The following NAA60 variants were observed in gnomAD, a reference collection of about 807,000 sequenced individuals.
NAA60 encodes the protein N-alpha-acetyltransferase 60.
Under a neutral mutation model 26.1 loss-of-function variants are expected in NAA60, and 8 were observed. The ratio of observed to expected loss-of-function variants is 0.31; its 90% CI spans 0.18 to 0.55. NAA60 has a LOEUF of 0.55. NAA60 is among the 20% of genes least tolerant of loss of function. NAA60 has a pLI of 0.93. For missense variants in NAA60, 290 were observed against 311.3 expected, an observed-to-expected ratio of 0.93 and a Z score of 0.51; for synonymous variants, 131 against 122.5, an observed-to-expected ratio of 1.07 and a Z score of -0.46.
rs980676154 is a variant in NAA60 at position 3,485,674 on chromosome 16, C to T, written c.*414C>T. 9.6e-5 allele frequency: 44 copies of T among 456,556 alleles called. 1 individual carries two copies. Among genetic ancestry groups the T allele is most frequent in the African/African-American group, 5.2e-4 (26 of 50,086 alleles). The allele number at this position is 456,556 out of a possible 1,614,324, so 28.3% of individuals were successfully genotyped here. ...GGGACTTTCTCCTGCAAGGGAGGAA[C>T]GCAAGTATTATGGACACACTTGACC... On this transcript the variant is annotated 3_prime_UTR_variant, in exon 8 of 8. Transcript: ENST00000407558.
chr16:3,466,451 C>A (rs1028924610), intron 2 of NAA60, among the ~76,000 whole-genome samples: 3 of 152,228 alleles, frequency 2.0e-5, no homozygotes, highest in Non-Finnish European at 4.4e-5. Context: ...ACAAGCCATG[C>A]GCAGTGTTAG....
intron 3 of NAA60, 64 bp downstream of exon 3, chr16:3,476,401 CG>C: frequency 7.7e-7 from 1 of 1,305,646 alleles, no homozygotes. Context: ...AGCTGGGCGG[CG>C]GGGGTGGGGG....
intron 2 of NAA60, among the ~76,000 whole-genome samples, chr16:3,459,153 A>G (rs4141287): frequency 0.06 from 9,138 of 152,310 alleles, 363 homozygotes; most frequent in Middle Eastern, 0.085. Context: ...GAGTGCCAGA[A>G]CTGGAGAGAA....
intron 4 of NAA60, among the ~76,000 whole-genome samples, chr16:3,481,860 C>T (rs1040548187): frequency 6.6e-6 from 1 of 152,158 alleles, no homozygotes. Flanking sequence ...CACGTGGGAG[C>T]AGAAAGGCCT....
Position 3,476,204 on chromosome 16 carries a change from CCCCA to C in NAA60, c.-6-14_-6-11del. On this transcript the variant is annotated splice_polypyrimidine_tract_variant and intron_variant, in intron 2 of 7. Transcript: ENST00000407558. ...ACCAGGCTGTGAGGTGACGCGTCCCCCCCACCCTTCCCCACAGGTGTGAATGACA... is the reference window on the plus strand; with the variant it reads ...ACCAGGCTGTGAGGTGACGCGTCCCCCCCTTCCCCACAGGTGTGAATGACA... The C allele has an allele frequency of 6.4e-7, 1 of 1,562,718 alleles. No homozygotes were observed. The highest frequency in any genetic ancestry group is 8.8e-7 in the Non-Finnish European group (1 of 1,139,408).
chr16:3,445,565 G>A (rs985939600), intron 1 of NAA60, among the ~76,000 whole-genome samples: 8 of 151,704 alleles, frequency 5.3e-5, no homozygotes, highest in Middle Eastern at 3.2e-3. Context: ...GTGAGCCACC[G>A]CGCCCCGCCT....
chr16:3,456,967 T>G (rs1439311370), intron 2 of NAA60: 1 of 152,152 alleles, frequency 6.6e-6, no homozygotes, highest in African/African-American at 2.4e-5. Context: ...TTTTTTTGTA[T>G]TTTTAGTAGA....
intron 2 of NAA60, among the ~76,000 whole-genome samples, chr16:3,459,139 A>G (rs1032709364): frequency 1.3e-5 from 2 of 152,230 alleles, no homozygotes; most frequent in African/African-American, 4.8e-5. Flanking sequence ...TGGAGTGGTA[A>G]TCAGAGTGCC....
rs528751999 is a variant in NAA60, at chr16:3,476,401, C to T, written c.110+64C>T. 2.0e-4 allele frequency: 256 copies of T among 1,305,652 alleles called. 1 individual carries two copies. The African/African-American group carries it at 3.2e-3, about 16-fold the overall frequency. 80.9% of individuals were successfully genotyped at this position (1,305,652 alleles called of 1,614,324 possible). On this transcript the variant is annotated intron_variant, in intron 3 of 7. Transcript: ENST00000407558. ...AGCCTCAGGTGCAGAAGCTGGGCGG[C>T]GGGGGTGGGGGCCTCTTGGGCCCTT... is the stretch of plus-strand genomic sequence containing the variant.
intron 2 of NAA60, among the ~76,000 whole-genome samples, chr16:3,474,828 A>G (rs1392181724): frequency 2.0e-5 from 3 of 152,104 alleles, no homozygotes. Flanking sequence ...CATTATTTCT[A>G]CTTTTATTAG....
At chr16:3,457,836 G>A in intron 2 of NAA60, 1 of 378,952 alleles carries the variant, frequency 2.6e-6, no homozygotes, top group South Asian at 1.0e-4. Flanking sequence ...CCGGAGCGAG[G>A]GACAGGGAAG....
At chr16:3,456,426 C>T (rs2034998211) in intron 2 of NAA60, among the ~76,000 whole-genome samples, 1 of 151,700 alleles carries the variant, frequency 6.6e-6, no homozygotes, top group South Asian at 2.1e-4. Flanking sequence ...AGAGGAAGTA[C>T]AGAGCGAGCA....
chr16:3,468,746 G>C (rs1031201380), intron 2 of NAA60, among the ~76,000 whole-genome samples: 2 of 152,214 alleles, frequency 1.3e-5, no homozygotes, highest in Non-Finnish European at 2.9e-5. Context: ...CTCACCCCAG[G>C]CTCGAGCCTT....
At chr16:3,448,257 G>A (rs1348786575) in intron 1 of NAA60, among the ~76,000 whole-genome samples, 2 of 130,944 alleles carry the variant, frequency 1.5e-5, no homozygotes, top group African/African-American at 5.9e-5. Flanking sequence ...TTGGATGACA[G>A]AGCAAGACCT....
At chr16:3,484,640 G>T in intron 6 of NAA60, 59 bp from the exon 7 acceptor site, 1 of 1,546,764 alleles carries the variant, frequency 6.5e-7, no homozygotes, top group South Asian at 1.2e-5. Flanking sequence ...GGCCCCTGAT[G>T]ACTGTGCCCT....
Position 3,446,391 on chromosome 16 carries a change from C to T in NAA60, c.-76-2080C>T, listed in dbSNP as rs140275538. ...CTAAAAATACAAAAAATTAGCCAGG[C>T]GTGGTAGCGGGCACCTGTAGTCCCA... is the stretch of plus-strand genomic sequence containing the variant. On this transcript the variant is annotated intron_variant, in intron 1 of 7. Transcript: ENST00000407558. Among the ~76,000 whole-genome samples the T allele has an allele frequency of 1.6e-4, 24 of 151,658 alleles. 1 individual carries two copies. The highest frequency in any genetic ancestry group is 5.1e-4 in the African/African-American group (21 of 41,376).
Position 3,443,701 on chromosome 16 carries a change from C to T in NAA60, c.-213C>T, listed in dbSNP as rs369314332. On this transcript the variant is annotated 5_prime_UTR_variant, in exon 1 of 8. Coordinates refer to ENST00000407558, the MANE Select transcript of NAA60 (RefSeq NM_001083601.3). Reference sequence around the variant, plus strand: ...ATTTCCGCTTCCGCTGGCGGGGTCTCCTCCGTGAGCTCCGGGCCTGTTTGC... The same window carrying T: ...ATTTCCGCTTCCGCTGGCGGGGTCTTCTCCGTGAGCTCCGGGCCTGTTTGC... The T allele has an allele frequency of 7.0e-6, 10 of 1,428,024 alleles. No homozygotes were observed. Among genetic ancestry groups the T allele is most frequent in the East Asian group, 5.4e-5 (2 of 36,910 alleles). The allele number at this position is 1,428,024 out of a possible 1,614,324, so 88.5% of individuals were successfully genotyped here. A position where few individuals can be genotyped will look rare whatever the true frequency, so the allele number is the denominator to read the frequency against.
At chr16:3,443,975 C>T in intron 1 of NAA60, 138 bp downstream of exon 1, 1 of 1,369,200 alleles carries the variant, frequency 7.3e-7, no homozygotes, top group Non-Finnish European at 9.4e-7. Flanking sequence ...GGCCGTGGAA[C>T]ATGAAGGAGT....
chr16:3,454,882 G>C (rs2034915639), intron 2 of NAA60, among the ~76,000 whole-genome samples: 1 of 152,172 alleles, frequency 6.6e-6, no homozygotes, highest in Non-Finnish European at 1.5e-5. Flanking sequence ...CAAAGAGAAA[G>C]GGTGGAAGTT....
Sources: allele counts gnomAD v4.1 joint callset (sites outside exome capture counted in the v4.1 genomes callset), GRCh38; gene constraint gnomAD v4.1.1; transcripts MANE v1.5; gene names NCBI Gene and HGNC (gene_info 2026-07-23, HGNC 2026-07-21).